The following CCBE1 variants were observed in gnomAD, a reference collection of about 807,000 sequenced individuals.
The protein encoded by CCBE1 is collagen and calcium-binding EGF domain-containing protein 1.
CCBE1 carries 37 observed loss-of-function variants against 50.0 expected under a neutral mutation model. The observed-to-expected ratio is 0.74, with a 90% CI of 0.57 to 0.97. The LOEUF is 0.97. CCBE1 is among the 50% of genes least tolerant of loss of function. The pLI, the probability that CCBE1 is intolerant of heterozygous loss-of-function variation, is 0.00. For missense variants in CCBE1, 538 were observed against 523.8 expected (o/e 1.03, Z -0.26); for synonymous variants, 234 against 203.7 (o/e 1.15, Z -1.27).
intron 2 of CCBE1, among the ~76,000 whole-genome samples, chr18:59,590,782 A>C (rs760427547): frequency 6.6e-6 from 1 of 152,246 alleles, no homozygotes; most frequent in Non-Finnish European, 1.5e-5. Context: ...GGTTTTAATA[A>C]GTTGTATTAG....
intron 2 of CCBE1, among the ~76,000 whole-genome samples, chr18:59,595,034 C>T (rs1247780814): frequency 1.3e-5 from 2 of 151,008 alleles, no homozygotes; most frequent in African/African-American, 4.9e-5. Flanking sequence ...ATCCCTTGAA[C>T]CCGGGAGATG....
intron 4 of CCBE1, 55 bp downstream of exon 4, chr18:59,469,418 C>T: frequency 1.9e-6 from 3 of 1,612,352 alleles, no homozygotes; most frequent in Non-Finnish European, 2.5e-6. Flanking sequence ...AAGGACAGAA[C>T]CATCTGAACA....
Position 59,616,948 on chromosome 18 carries a change from A to G in CCBE1, c.212+79681T>C, listed in dbSNP as rs1267320240. The stretch of plus-strand genomic sequence containing the variant: ...CTAAATGGGAAGGATACTGCCTGTC[A>G]TGCCTGCTTCACAGGGTTGCCATGA... On this transcript the variant is annotated intron_variant, in intron 2 of 10. Transcript: ENST00000439986. 2.6e-5 allele frequency among the ~76,000 whole-genome samples: 4 copies of G among 152,110 alleles called. No homozygotes were observed. In the East Asian group the frequency reaches 7.7e-4, roughly 29 times the overall value.
intron 2 of CCBE1, among the ~76,000 whole-genome samples, chr18:59,491,112 T>C (rs1248352009): frequency 6.6e-6 from 1 of 152,250 alleles, no homozygotes; most frequent in Non-Finnish European, 1.5e-5. Context: ...ATTTTAGGAA[T>C]ACCTGAATGA....
At chr18:59,578,072 G>A (rs1177591595) in intron 2 of CCBE1, among the ~76,000 whole-genome samples, 6 of 152,022 alleles carry the variant, frequency 3.9e-5, no homozygotes, top group African/African-American at 7.2e-5. Flanking sequence ...TCTGACAAAG[G>A]GCTAATATTT....
At chr18:59,453,655 C>CA (rs1911044965) in intron 6 of CCBE1, among the ~76,000 whole-genome samples, 1 of 152,192 alleles carries the variant, frequency 6.6e-6, no homozygotes, top group South Asian at 2.1e-4. Flanking sequence ...GATACCATCT[C>CA]AGGCTTACTC....
chr18:59,551,640 T>G (rs1915934413), intron 2 of CCBE1, among the ~76,000 whole-genome samples: 1 of 152,236 alleles, frequency 6.6e-6, no homozygotes, highest in African/African-American at 2.4e-5. Flanking sequence ...AATTATTTTT[T>G]CACTACTGTT....
chr18:59,581,950 A>T (rs2053089466), intron 2 of CCBE1, among the ~76,000 whole-genome samples: 1 of 152,122 alleles, frequency 6.6e-6, no homozygotes, highest in African/African-American at 2.4e-5. Context: ...CTTGTTGCTG[A>T]CAATCCTAAC....
At chr18:59,679,525 C>T (rs529201007) in intron 2 of CCBE1, among the ~76,000 whole-genome samples, 3 of 152,020 alleles carry the variant, frequency 2.0e-5, no homozygotes, top group South Asian at 2.1e-4. Flanking sequence ...ACAAACATAG[C>T]AGAATTTTCG....
At chr18:59,550,696 G>A (rs1915878564) in intron 2 of CCBE1, among the ~76,000 whole-genome samples, 1 of 152,156 alleles carries the variant, frequency 6.6e-6, no homozygotes, top group Admixed American at 6.5e-5. Context: ...CTCTGAAGGT[G>A]TTTTGGAAAA....
At position 59,437,425 on chromosome 18, in the gene CCBE1, G is replaced by C. The variant is rs138768899; in HGVS notation, c.987+686C>G. 4.4e-3 allele frequency among the ~76,000 whole-genome samples: 674 copies of C among 152,296 alleles called. 4 individuals carry two copies. Among genetic ancestry groups the C allele is most frequent in the Non-Finnish European group, 6.9e-3 (468 of 68,034 alleles). Reference sequence around the variant, plus strand: ...ATTCCACTATCGCCACTGCACAGTGGGGGGCAAGAATGCCCAGAGACCCTC... The same window carrying C: ...ATTCCACTATCGCCACTGCACAGTGCGGGGCAAGAATGCCCAGAGACCCTC... On this transcript the variant is annotated intron_variant, in intron 10 of 10. Coordinates refer to ENST00000439986, the MANE Select transcript of CCBE1 (RefSeq NM_133459.4).
At chr18:59,573,793 G>T (rs2052952503) in intron 2 of CCBE1, among the ~76,000 whole-genome samples, 1 of 152,098 alleles carries the variant, frequency 6.6e-6, no homozygotes, top group African/African-American at 2.4e-5. Context: ...GAATCCTACA[G>T]AACTTAACCT....
At chr18:59,632,709 C>G (rs187496502) in intron 2 of CCBE1, among the ~76,000 whole-genome samples, 4 of 152,252 alleles carry the variant, frequency 2.6e-5, no homozygotes, top group African/African-American at 9.6e-5. Context: ...CCTGCCTCGG[C>G]CTCCTGAGTA....
At position 59,439,592 on chromosome 18, in the gene CCBE1, G is replaced by T. The variant is rs779760359; in HGVS notation, c.916-14C>A. On this transcript the variant is annotated splice_polypyrimidine_tract_variant and intron_variant, in intron 8 of 10. Coordinates refer to ENST00000439986, the MANE Select transcript of CCBE1 (RefSeq NM_133459.4). ...CCCTGGTGGACCCTGTAATACAAAA[G>T]GATCTGGTTTAACCACAGGCAAAAG... 4 of 1,614,240 alleles carry T rather than the reference G, an allele frequency of 2.5e-6. No individual in the cohort carries two copies. The highest frequency in any genetic ancestry group is 3.4e-6 in the Non-Finnish European group (4 of 1,180,046).
intron 6 of CCBE1, among the ~76,000 whole-genome samples, chr18:59,453,844 A>C (rs546129329): frequency 6.6e-6 from 1 of 152,304 alleles, no homozygotes; most frequent in Non-Finnish European, 1.5e-5. Context: ...AGGTAGAATA[A>C]ATACTGTTTA....
At chr18:59,489,305 C>T (rs1376971173) in intron 2 of CCBE1, among the ~76,000 whole-genome samples, 1 of 152,208 alleles carries the variant, frequency 6.6e-6, no homozygotes, top group East Asian at 1.9e-4. Flanking sequence ...TGCTTCAGAC[C>T]CACAGGGTCA....
At chr18:59,590,263 G>A (rs2053243269) in intron 2 of CCBE1, among the ~76,000 whole-genome samples, 1 of 151,936 alleles carries the variant, frequency 6.6e-6, no homozygotes, top group Admixed American at 6.6e-5. Flanking sequence ...TATCTCCACA[G>A]CAAAAAATTT....
At chr18:59,554,358 T>C (rs1313098639) in intron 2 of CCBE1, among the ~76,000 whole-genome samples, 1 of 152,196 alleles carries the variant, frequency 6.6e-6, no homozygotes, top group Non-Finnish European at 1.5e-5. Context: ...TGGCTCTCTT[T>C]CATGATTTTC....
chr18:59,450,659 G>A (rs111828236), intron 6 of CCBE1, among the ~76,000 whole-genome samples: 26 of 152,234 alleles, frequency 1.7e-4, no homozygotes, highest in African/African-American at 4.1e-4. Flanking sequence ...TCAGCCTCCC[G>A]AGTAGATGGA....
Sources: gnomAD v4.1 joint callset for allele counts (sites outside exome capture counted in the v4.1 genomes callset) on GRCh38, gnomAD v4.1.1 for gene constraint, MANE v1.5 for transcripts, NCBI Gene and HGNC (gene_info 2026-07-23, HGNC 2026-07-21) for gene names.